Variants in GRM7 observed in about 807,000 individuals in gnomAD.
GRM7 encodes metabotropic glutamate receptor 7.
GRM7 carries 35 observed loss-of-function variants against 84.5 expected under a neutral mutation model. The observed-to-expected ratio is 0.41, with a 90% CI of 0.32 to 0.55. The LOEUF is 0.55. Among genes scored for constraint, GRM7 ranks in the 20% least tolerant of loss-of-function variants. The probability of loss-of-function intolerance (pLI) is 0.19; values close to 1 mark genes in which losing one functional copy is unlikely to be tolerated. For synonymous variants in GRM7, 487 were observed against 455.1 expected, an observed-to-expected ratio of 1.07 and a Z score of -0.89; for missense variants, 1,003 against 1,194.6, an observed-to-expected ratio of 0.84 and a Z score of 2.36.
chr3:6,957,355 G>A (rs1048630483), intron 1 of GRM7, among the ~76,000 whole-genome samples: 1 of 152,116 alleles, frequency 6.6e-6, no homozygotes, highest in African/African-American at 2.4e-5. Flanking sequence ...AATGGCAGCC[G>A]AAGCCCCGGT....
intron 1 of GRM7, among the ~76,000 whole-genome samples, chr3:7,092,744 G>A (rs1236665516): frequency 6.6e-6 from 1 of 152,126 alleles, no homozygotes; most frequent in African/African-American, 2.4e-5. Context: ...ATTTGGGGTT[G>A]GCCAGAAGGT....
chr3:7,295,826 T>TG (rs1699794560), intron 2 of GRM7, among the ~76,000 whole-genome samples: 2 of 147,320 alleles, frequency 1.4e-5, no homozygotes, highest in Non-Finnish European at 3.0e-5. Flanking sequence ...TAGCTTTTTT[T>TG]TGGGGGGGGG....
rs189399597 is a variant in GRM7, at chr3:7,001,475, G to A, written c.519+139568G>A. Among the ~76,000 whole-genome samples the A allele has an allele frequency of 1.7e-3, 262 of 152,300 alleles. 1 individual carries two copies. The highest frequency in any genetic ancestry group is 2.3e-3 in the Non-Finnish European group (155 of 68,032). ...GTATAGATGAGCTACTTAATTATGA[G>A]CTTATTTGTAGATCTGTTAAAACCA... On this transcript the variant is annotated intron_variant, in intron 1 of 9. Coordinates refer to ENST00000357716, the MANE Select transcript of GRM7 (RefSeq NM_000844.4).
intron 1 of GRM7, among the ~76,000 whole-genome samples, chr3:6,954,462 T>C (rs539106121): frequency 1.3e-5 from 2 of 152,346 alleles, no homozygotes; most frequent in Admixed American, 6.5e-5. Flanking sequence ...GTTTTCCCCC[T>C]CACCTTCTGA....
rs376523245 is a variant in GRM7, at chr3:7,527,920, AT to A, written c.1516-50498del. ...AACTTTCTGATGTGCTTCTGGTTTC[AT>A]TTTGCTGGTATTTTGTTGAGAATTG... On this transcript the variant is annotated intron_variant, in intron 7 of 9. Transcript: ENST00000357716. Among the ~76,000 whole-genome samples, 103 of 151,988 alleles carry A rather than the reference AT, an allele frequency of 6.8e-4. 1 individual carries two copies. The East Asian group carries it at 0.019, about 28-fold the overall frequency.
intron 1 of GRM7, among the ~76,000 whole-genome samples, chr3:7,064,479 T>TATATATGTATATATATATATATATAC: frequency 1.3e-3 from 126 of 99,338 alleles, no homozygotes; most frequent in African/African-American, 4.3e-3. Context: ...TATATATATA[T>TATATATGTATATATATATATATATAC]ACACACATAT....
intron 2 of GRM7, among the ~76,000 whole-genome samples, chr3:7,275,646 A>G (rs572790411): frequency 6.6e-6 from 1 of 152,266 alleles, no homozygotes; most frequent in South Asian, 2.1e-4. Context: ...GTAGGTTCTA[A>G]TAAAACCCCG....
chr3:7,064,477 T>TAC lies in GRM7; in HGVS notation c.520-81974_520-81973insCA, dbSNP rs1230329947. The stretch of plus-strand genomic sequence containing the variant: ...GGATATATATACATATATATATATA[T>TAC]ATACACACATATACATATATATATA... On this transcript the variant is annotated intron_variant, in intron 1 of 9. Transcript: ENST00000357716. 1.8e-4 allele frequency among the ~76,000 whole-genome samples: 15 copies of TAC among 85,452 alleles called. 1 individual carries two copies. Among genetic ancestry groups the TAC allele is most frequent in the African/African-American group, 5.1e-4 (10 of 19,464 alleles). 56.1% of individuals were successfully genotyped at this position (85,452 alleles called of 152,430 possible).
intron 5 of GRM7, among the ~76,000 whole-genome samples, chr3:7,446,777 T>G (rs1697534923): frequency 6.6e-6 from 1 of 152,114 alleles, no homozygotes; most frequent in Non-Finnish European, 1.5e-5. Flanking sequence ...TTTTTTATAT[T>G]AACAATTTCA....
At chr3:6,933,458 T>C (rs1697579150) in intron 1 of GRM7, among the ~76,000 whole-genome samples, 1 of 152,182 alleles carries the variant, frequency 6.6e-6, no homozygotes, top group South Asian at 2.1e-4. Flanking sequence ...GCTGCTTACT[T>C]TAAGATGAAA....
At chr3:6,981,702 C>T (rs1694207258) in intron 1 of GRM7, among the ~76,000 whole-genome samples, 1 of 152,034 alleles carries the variant, frequency 6.6e-6, no homozygotes, top group South Asian at 2.1e-4. Context: ...ATTTGCTCAA[C>T]ATTATTAATG....
At position 6,862,635 on chromosome 3, in the gene GRM7, G is replaced by C. The variant is rs1291722527; in HGVS notation, c.519+728G>C. ...ATCCGGCCACTGGCCGGAGCTGGGC[G>C]ATCAGCTTTCCACTCCTGCCACTTC... On this transcript the variant is annotated intron_variant, in intron 1 of 9. Transcript: ENST00000357716. The surrounding 1 kb of genome is among the most constrained non-coding windows in gnomAD (Gnocchi z 5.2). 6 of 212,446 alleles carry C rather than the reference G, an allele frequency of 2.8e-5. No individual in the cohort carries two copies. Among genetic ancestry groups the C allele is most frequent in the Non-Finnish European group, 4.8e-5 (5 of 105,202 alleles). The allele number at this position is 212,446 out of a possible 1,614,324, so 13.2% of individuals were successfully genotyped here.
intron 7 of GRM7, among the ~76,000 whole-genome samples, chr3:7,507,071 T>A (rs1700061535): frequency 1.3e-5 from 2 of 152,216 alleles, no homozygotes; most frequent in South Asian, 4.1e-4. Context: ...CACAAATGCC[T>A]GACAGATTGT....
chr3:7,377,996 C>T lies in GRM7; in HGVS notation c.1034-37027C>T, dbSNP rs879045872. On this transcript the variant is annotated intron_variant, in intron 4 of 9. Coordinates refer to ENST00000357716, the MANE Select transcript of GRM7 (RefSeq NM_000844.4). The stretch of plus-strand genomic sequence containing the variant: ...CCTTTCATTTCCCAGAATGTAGTCA[C>T]CAACATCTGTCCCCCGCTAGGAAGT... Among the ~76,000 whole-genome samples the T allele has an allele frequency of 6.6e-5, 10 of 152,162 alleles. 2 individuals are homozygous for T. Among genetic ancestry groups the T allele is most frequent in the Admixed American group, 6.5e-4 (10 of 15,272 alleles).
intron 4 of GRM7, among the ~76,000 whole-genome samples, chr3:7,333,848 C>G (rs952548965): frequency 6.6e-6 from 1 of 151,814 alleles, no homozygotes; most frequent in African/African-American, 2.4e-5. Flanking sequence ...TAGAATCAAA[C>G]AATTAGAAGA....
chr3:7,332,256 C>T (rs1199105227), intron 4 of GRM7, among the ~76,000 whole-genome samples: 1 of 152,082 alleles, frequency 6.6e-6, no homozygotes, highest in East Asian at 1.9e-4. Context: ...TATGATTCTC[C>T]CAACAACTTT....
chr3:7,191,566 C>G (rs573329410), intron 2 of GRM7, among the ~76,000 whole-genome samples: 1 of 151,512 alleles, frequency 6.6e-6, no homozygotes, highest in Admixed American at 6.6e-5. Context: ...TGGCAATAAA[C>G]AGGAACACAA....
intron 2 of GRM7, among the ~76,000 whole-genome samples, chr3:7,150,187 T>A (rs1694241883): frequency 6.6e-6 from 1 of 152,092 alleles, no homozygotes; most frequent in Non-Finnish European, 1.5e-5. Flanking sequence ...TTCCATTGTT[T>A]CTGAACAGTT....
At chr3:7,723,012 G>T (rs1196588982) in intron 9 of GRM7, among the ~76,000 whole-genome samples, 2 of 152,084 alleles carry the variant, frequency 1.3e-5, no homozygotes, top group African/African-American at 2.4e-5. Context: ...CAAACATTCA[G>T]AAAAGTAGAA....
Sources: allele counts gnomAD v4.1 joint callset (sites outside exome capture counted in the v4.1 genomes callset), GRCh38; gene constraint gnomAD v4.1.1; non-coding constraint Gnocchi (gnomAD v3.1); transcripts MANE v1.5; gene names NCBI Gene and HGNC (gene_info 2026-07-23, HGNC 2026-07-21).